PTPRG: variants seen among roughly 807,000 people sequenced by gnomAD.
The protein encoded by PTPRG is protein tyrosine phosphatase receptor type G.
Under a neutral mutation model 165.3 loss-of-function variants are expected in PTPRG, and 102 were observed. The observed-to-expected ratio is 0.62, with a 90% CI of 0.53 to 0.73. The LOEUF is 0.73. Ranked by LOEUF, PTPRG falls within the 30% of genes least tolerant of loss-of-function variation. The pLI is 0.00. For missense variants in PTPRG, 1,866 were observed against 1,861.4 expected (o/e 1.00, Z -0.05); for synonymous variants, 675 against 669.5 (o/e 1.01, Z -0.13).
At chr3:61,985,316 A>G (rs964063429) in intron 2 of PTPRG, among the ~76,000 whole-genome samples, 1 of 152,088 alleles carries the variant, frequency 6.6e-6, no homozygotes, top group Non-Finnish European at 1.5e-5. Flanking sequence ...CTCCCTTTGC[A>G]TGCCATGAAA....
chr3:61,571,283 T>G (rs958714960), intron 1 of PTPRG, among the ~76,000 whole-genome samples: 3 of 152,198 alleles, frequency 2.0e-5, no homozygotes, highest in Admixed American at 6.5e-5. Context: ...GGGCGGTGAC[T>G]GTAATATGTT....
intron 2 of PTPRG, among the ~76,000 whole-genome samples, chr3:61,942,203 G>A (rs1382777250): frequency 6.6e-6 from 1 of 150,384 alleles, no homozygotes; most frequent in Non-Finnish European, 1.5e-5. Flanking sequence ...ATCATAAACA[G>A]AAATTGGCCA....
At chr3:62,175,987 G>C (rs940047192) in intron 8 of PTPRG, among the ~76,000 whole-genome samples, 1 of 152,220 alleles carries the variant, frequency 6.6e-6, no homozygotes, top group African/African-American at 2.4e-5. Context: ...AAAGAGTTAA[G>C]ACTGTTAGGA....
At chr3:62,081,594 C>G (rs183218022) in intron 5 of PTPRG, among the ~76,000 whole-genome samples, 1 of 152,192 alleles carries the variant, frequency 6.6e-6, no homozygotes, top group African/African-American at 2.4e-5. Flanking sequence ...ATGCTCCTGC[C>G]TCAGCCTTCT....
At chr3:62,003,636 A>G (rs2041226158) in intron 4 of PTPRG, 139 bp downstream of exon 4, 1 of 1,075,502 alleles carries the variant, frequency 9.3e-7, no homozygotes, top group Non-Finnish European at 1.3e-6. Context: ...CCCTTTATCC[A>G]TAGTATGGCA....
At chr3:61,665,460 G>A (rs4688265) in intron 1 of PTPRG, among the ~76,000 whole-genome samples, 1 of 151,212 alleles carries the variant, frequency 6.6e-6, no homozygotes, top group African/African-American at 2.4e-5. Context: ...ATGGTGAATT[G>A]TAAATAAATA....
chr3:61,583,053 G>A (rs116325247), intron 1 of PTPRG, among the ~76,000 whole-genome samples: 3,053 of 152,294 alleles, frequency 0.02, 41 homozygotes, highest in Middle Eastern at 0.054. Flanking sequence ...GCATACGGTG[G>A]TTGACCATGA....
At chr3:61,951,436 G>C (rs948534204) in intron 2 of PTPRG, among the ~76,000 whole-genome samples, 48 of 152,116 alleles carry the variant, frequency 3.2e-4, no homozygotes, top group African/African-American at 1.2e-3. Flanking sequence ...TTTGTAGAAA[G>C]ATTTTCTTTG....
In PTPRG at chr3:62,014,392, A is replaced by G. The variant is rs1446616870; in HGVS notation, c.519+10895A>G. Among the ~76,000 whole-genome samples the G allele has an allele frequency of 1.3e-5, 2 of 152,160 alleles. 1 individual carries two copies. Among genetic ancestry groups the G allele is most frequent in the Non-Finnish European group, 2.9e-5 (2 of 68,030 alleles). The stretch of plus-strand genomic sequence containing the variant: ...AACCCTATCTTATTTAAAAATATAA[A>G]TTTCATCTCTTGAGTGTTGGAGGAT... On this transcript the variant is annotated intron_variant, in intron 4 of 29. Coordinates refer to ENST00000474889, the MANE Select transcript of PTPRG (RefSeq NM_002841.4).
intron 5 of PTPRG, among the ~76,000 whole-genome samples, chr3:62,121,785 G>A (rs1339298428): frequency 1.3e-5 from 2 of 152,168 alleles, no homozygotes; most frequent in Non-Finnish European, 2.9e-5. Flanking sequence ...TAGACTACAT[G>A]CTCTATGAAG....
chr3:62,062,346 T>C (rs527530163), intron 4 of PTPRG, among the ~76,000 whole-genome samples: 16 of 152,294 alleles, frequency 1.1e-4, no homozygotes, highest in African/African-American at 3.8e-4. Flanking sequence ...GATGAACTGT[T>C]GTTTGATAAA....
At chr3:62,019,765 A>G (rs1292254564) in intron 4 of PTPRG, among the ~76,000 whole-genome samples, 9 of 152,156 alleles carry the variant, frequency 5.9e-5, no homozygotes, top group Non-Finnish European at 4.4e-5. Flanking sequence ...AATGTGTACA[A>G]TTTTTATTTG....
chr3:61,928,187 C>T lies in PTPRG; in HGVS notation c.191-61438C>T, dbSNP rs576399297. Among the ~76,000 whole-genome samples, 16 of 152,272 alleles carry T rather than the reference C, an allele frequency of 1.1e-4. No homozygotes were observed. The South Asian group carries it at 2.1e-3, about 20-fold the overall frequency. On this transcript the variant is annotated intron_variant, in intron 2 of 29. Coordinates refer to ENST00000474889, the MANE Select transcript of PTPRG (RefSeq NM_002841.4). ...ATGAAGCCGAGAGTTGAGTGGCCTTCAAGCTCCCTCTGGTTGCTCATACCT... is the reference window on the plus strand; with the variant it reads ...ATGAAGCCGAGAGTTGAGTGGCCTTTAAGCTCCCTCTGGTTGCTCATACCT...
intron 14 of PTPRG, among the ~76,000 whole-genome samples, chr3:62,236,628 C>T (rs1356226016): frequency 6.6e-6 from 1 of 152,208 alleles, no homozygotes; most frequent in East Asian, 1.9e-4. Flanking sequence ...TTTTGAGCTA[C>T]ACACTGCTAA....
chr3:61,660,706 T>C (rs1045554957), intron 1 of PTPRG, among the ~76,000 whole-genome samples: 1 of 152,028 alleles, frequency 6.6e-6, no homozygotes, highest in African/African-American at 2.4e-5. Context: ...GATGATTGGA[T>C]ATTAAAAAAA....
At chr3:61,937,806 C>T (rs975602706) in intron 2 of PTPRG, among the ~76,000 whole-genome samples, 17 of 152,178 alleles carry the variant, frequency 1.1e-4, no homozygotes, top group African/African-American at 2.7e-4. Flanking sequence ...TATTTATTAA[C>T]GTCTTTTGAG....
intron 24 of PTPRG, chr3:62,276,672 G>C (rs1702241658): frequency 3.2e-6 from 1 of 316,724 alleles, no homozygotes; most frequent in Non-Finnish European, 5.8e-6. Flanking sequence ...AGAGTCAAAA[G>C]TTATCTAAAA....
intron 2 of PTPRG, among the ~76,000 whole-genome samples, chr3:61,796,857 C>T (rs1196272747): frequency 4.6e-5 from 7 of 152,176 alleles, no homozygotes; most frequent in Admixed American, 2.6e-4. Context: ...TAACCCAAGA[C>T]CTGGTGGTGG....
intron 2 of PTPRG, among the ~76,000 whole-genome samples, chr3:61,876,013 A>G (rs2037730067): frequency 6.6e-6 from 1 of 152,330 alleles, no homozygotes; most frequent in African/African-American, 2.4e-5. Context: ...AAATAAATAA[A>G]TAAAAGCACA....
Sources: gnomAD v4.1 joint callset for allele counts (sites outside exome capture counted in the v4.1 genomes callset) on GRCh38, gnomAD v4.1.1 for gene constraint, MANE v1.5 for transcripts, NCBI Gene and HGNC (gene_info 2026-07-23, HGNC 2026-07-21) for gene names.